Variants in CDH18 observed in about 807,000 individuals in gnomAD.
CDH18 encodes cadherin-18.
A neutral mutation model predicts 67.9 loss-of-function variants in CDH18; 31 were observed. That is an observed-to-expected ratio of 0.46 (90% CI 0.34 to 0.62). The LOEUF (loss-of-function observed/expected upper bound fraction) is 0.62. Among genes scored for constraint, CDH18 ranks in the 20% least tolerant of loss-of-function variants. The pLI, the probability that CDH18 is intolerant of heterozygous loss-of-function variation, is 0.01. For synonymous variants in CDH18, 362 were observed against 347.2 expected (o/e 1.04, Z -0.48); for missense variants, 890 against 975.5 (o/e 0.91, Z 1.17).
At chr5:19,919,461 G>T (rs150111147) in intron 2 of CDH18, among the ~76,000 whole-genome samples, 1 of 152,274 alleles carries the variant, frequency 6.6e-6, no homozygotes, top group Non-Finnish European at 1.5e-5. Context: ...TGTGGACTAA[G>T]CCCATAACCT....
intron 2 of CDH18, among the ~76,000 whole-genome samples, chr5:20,192,999 A>G (rs1428304165): frequency 6.6e-6 from 1 of 151,962 alleles, no homozygotes; most frequent in Non-Finnish European, 1.5e-5. Flanking sequence ...ATGTTTTTCT[A>G]TTTGTTTGTG....
At chr5:19,678,655 T>A (rs4866039) in intron 5 of CDH18, among the ~76,000 whole-genome samples, 3 of 151,740 alleles carry the variant, frequency 2.0e-5, no homozygotes, top group East Asian at 1.9e-4. Flanking sequence ...AATACCTTCC[T>A]AGACTACTAT....
chr5:19,494,831 C>T (rs1216101538), intron 11 of CDH18, among the ~76,000 whole-genome samples: 1 of 152,138 alleles, frequency 6.6e-6, no homozygotes, highest in Non-Finnish European at 1.5e-5. Flanking sequence ...TTTTGGGATC[C>T]ATCCATAGGT....
intron 2 of CDH18, among the ~76,000 whole-genome samples, chr5:20,179,045 C>T (rs1227919483): frequency 1.3e-5 from 2 of 151,862 alleles, no homozygotes; most frequent in Admixed American, 6.6e-5. Flanking sequence ...AAACTAGTAG[C>T]AATATAAAAA....
rs575457176 is a variant in CDH18 at position 20,148,216 on chromosome 5, C to T, written c.-518+107228G>A. ...AAGCGATTCTCCTGCCTCAGCCTCCCGAGTAGCTGGGACTACAGACGCCCA... is the reference window on the plus strand; with the variant it reads ...AAGCGATTCTCCTGCCTCAGCCTCCTGAGTAGCTGGGACTACAGACGCCCA... On this transcript the variant is annotated intron_variant, in intron 2 of 14. Coordinates refer to the CDH18 transcript ENST00000507958. 4.6e-5 allele frequency among the ~76,000 whole-genome samples: 7 copies of T among 151,824 alleles called. No homozygotes were observed. The South Asian group carries it at 6.2e-4, about 14-fold the overall frequency.
At chr5:20,447,849 C>T (rs907191394) in intron 1 of CDH18, among the ~76,000 whole-genome samples, 32 of 151,850 alleles carry the variant, frequency 2.1e-4, no homozygotes, top group Non-Finnish European at 4.4e-4. Flanking sequence ...GAGATTTTAT[C>T]GAATCTACTT....
intron 2 of CDH18, among the ~76,000 whole-genome samples, chr5:20,019,856 G>A (rs1738243272): frequency 6.6e-6 from 1 of 152,176 alleles, no homozygotes; most frequent in Non-Finnish European, 1.5e-5. Flanking sequence ...AGAGATTGGA[G>A]GGCTCAGAAG....
intron 3 of CDH18, among the ~76,000 whole-genome samples, chr5:19,761,162 A>C (rs1581231244): frequency 6.6e-6 from 1 of 152,104 alleles, no homozygotes; most frequent in South Asian, 2.1e-4. Flanking sequence ...ATAAGAGCTT[A>C]TGTCTGTTTT....
At chr5:20,195,916 A>G (rs1359240729) in intron 2 of CDH18, among the ~76,000 whole-genome samples, 1 of 152,162 alleles carries the variant, frequency 6.6e-6, no homozygotes, top group Non-Finnish European at 1.5e-5. Flanking sequence ...TGGGACTCAA[A>G]AATTCCAATC....
At chr5:19,560,244 C>T (rs1739215669) in intron 8 of CDH18, among the ~76,000 whole-genome samples, 2 of 152,202 alleles carry the variant, frequency 1.3e-5, no homozygotes, top group African/African-American at 2.4e-5. Flanking sequence ...GGAGGCATCA[C>T]ATTACCTGAC....
Position 19,721,469 on chromosome 5 carries a change from G to A in CDH18, c.524-3C>T. ...TGTCACCTGTAGAACAGAGGTACCTGTGCATTCAGGAAAACAAATTTTAGT... is the reference window on the plus strand; with the variant it reads ...TGTCACCTGTAGAACAGAGGTACCTATGCATTCAGGAAAACAAATTTTAGT... On this transcript the variant is annotated splice_region_variant and splice_polypyrimidine_tract_variant and intron_variant, in intron 4 of 12. Coordinates refer to ENST00000382275, the MANE Select transcript of CDH18 (RefSeq NM_004934.5). 1.2e-6 allele frequency: 2 copies of A among 1,603,714 alleles called. No individual in the cohort carries two copies. Among genetic ancestry groups the A allele is most frequent in the Non-Finnish European group, 1.7e-6 (2 of 1,174,596 alleles).
rs145094781 is a variant in CDH18 at position 20,199,318 on chromosome 5, G to A, written c.-518+56126C>T. Among the ~76,000 whole-genome samples, 28 of 152,276 alleles carry A rather than the reference G, an allele frequency of 1.8e-4. No individual in the cohort carries two copies. In the East Asian group the frequency reaches 4.4e-3, roughly 24 times the overall value. ...ATGGAAACCCACCTCTTGCATCAAC[G>A]TGACCTGGAAGTAGGACATGGAGTC... On this transcript the variant is annotated intron_variant, in intron 2 of 14. Transcript: ENST00000507958.
intron 2 of CDH18, among the ~76,000 whole-genome samples, chr5:19,937,248 C>T (rs1794373545): frequency 1.3e-5 from 2 of 151,322 alleles, no homozygotes; most frequent in Admixed American, 6.6e-5. Flanking sequence ...ACCTATCACT[C>T]ATTCATTTGA....
chr5:20,254,990 A>C (rs962203795), intron 2 of CDH18, among the ~76,000 whole-genome samples: 3 of 152,216 alleles, frequency 2.0e-5, no homozygotes, highest in Non-Finnish European at 4.4e-5. Flanking sequence ...ACTGAAGGTC[A>C]TAATCTTAAG....
chr5:19,742,624 T>C (rs17839317), intron 4 of CDH18, among the ~76,000 whole-genome samples: 10,898 of 152,146 alleles, frequency 0.072, 900 homozygotes, highest in East Asian at 0.24. Context: ...AGACACCATA[T>C]TGAAATTTTC....
chr5:19,685,812 C>T (rs188094806), intron 5 of CDH18, among the ~76,000 whole-genome samples: 51 of 152,210 alleles, frequency 3.4e-4, no homozygotes, highest in African/African-American at 1.1e-3. Context: ...AGTCTCAGAA[C>T]GGACACTGAC....
intron 2 of CDH18, among the ~76,000 whole-genome samples, chr5:20,137,488 C>A (rs1274150932): frequency 6.6e-6 from 1 of 151,994 alleles, no homozygotes; most frequent in East Asian, 1.9e-4. Flanking sequence ...TTCATCTAAT[C>A]TTTTTTCATG....
At chr5:19,641,515 T>C (rs188988248) in intron 5 of CDH18, among the ~76,000 whole-genome samples, 3 of 152,148 alleles carry the variant, frequency 2.0e-5, no homozygotes, top group Admixed American at 1.3e-4. Flanking sequence ...GATTTATCAA[T>C]TGGTTTGCAA....
intron 5 of CDH18, among the ~76,000 whole-genome samples, chr5:19,712,681 A>G (rs935545489): frequency 1.3e-4 from 19 of 150,602 alleles, no homozygotes; most frequent in South Asian, 4.2e-4. Context: ...ATATTTATAT[A>G]TATGTATGTA....
Sources: gnomAD v4.1 joint callset for allele counts (sites outside exome capture counted in the v4.1 genomes callset) on GRCh38, gnomAD v4.1.1 for gene constraint, MANE v1.5 for transcripts, NCBI Gene and HGNC (gene_info 2026-07-23, HGNC 2026-07-21) for gene names.